The following CECR2 variants were observed in gnomAD, a reference collection of about 807,000 sequenced individuals.
CECR2 encodes the protein CECR2 histone acetyl-lysine reader, also known as chromatin remodeling regulator CECR2.
Under a neutral mutation model 154.5 loss-of-function variants are expected in CECR2, and 30 were observed. That is an observed-to-expected ratio of 0.19 (90% CI 0.15 to 0.26). The LOEUF is 0.26. Among genes scored for constraint, CECR2 ranks in the 10% least tolerant of loss-of-function variants. CECR2 has a pLI of 1.00. For missense variants in CECR2, 1,743 were observed against 1,829.3 expected (o/e 0.95, Z 0.86); for synonymous variants, 725 against 683.7 (o/e 1.06, Z -0.94).
At chr22:17,372,971 GATTC>G (rs1343053528) in intron 1 of CECR2, among the ~76,000 whole-genome samples, 3 of 152,148 alleles carry the variant, frequency 2.0e-5, no homozygotes, top group Non-Finnish European at 2.9e-5. Context: ...GGGCTGGCAG[GATTC>G]ATGCCCCACT....
At chr22:17,399,319 C>T (rs753640659) in intron 1 of CECR2, among the ~76,000 whole-genome samples, 30 of 151,892 alleles carry the variant, frequency 2.0e-4, no homozygotes, top group Admixed American at 8.5e-4. Context: ...TTAGCTCTCA[C>T]ATTTTATGGT....
intron 1 of CECR2, among the ~76,000 whole-genome samples, chr22:17,400,279 A>G (rs982825685): frequency 6.6e-6 from 1 of 152,236 alleles, no homozygotes; most frequent in Non-Finnish European, 1.5e-5. Context: ...CCAAAATCAG[A>G]TGAAGTGACT....
intron 1 of CECR2, among the ~76,000 whole-genome samples, chr22:17,362,303 GA>G (rs1447924894): frequency 6.6e-6 from 1 of 152,012 alleles, no homozygotes; most frequent in Admixed American, 6.6e-5. Context: ...CTCGGCCTCC[GA>G]AAGTGCTAGG....
Position 17,541,873 on chromosome 22 carries a change from G to A in CECR2, c.1919G>A (p.Arg640Gln), listed in dbSNP as rs371979990. The A allele has an allele frequency of 4.6e-5, 75 of 1,613,926 alleles. No homozygotes were observed. The Middle Eastern group carries it at 4.9e-4, about 11-fold the overall frequency. The change falls in exon 15 of 19, where the codon CGA (arginine) becomes CAA (glutamine). Residue 640 changes from arginine to glutamine, a missense_variant. Physicochemically the swap from Arg to Gln is conservative, Grantham distance 43. Coordinates refer to ENST00000262608, the MANE Select transcript of CECR2 (RefSeq NM_001290047.2). ...PAVPGTFGPL[R>Q]GSDPATLYGS... ...GTACCAGGAACATTTGGCCCTCTGC[G>A]AGGATCAGATCCTGCCACCTTGTAT...
At chr22:17,422,130 TTTTC>T (rs1177132674) in intron 1 of CECR2, among the ~76,000 whole-genome samples, 1 of 151,998 alleles carries the variant, frequency 6.6e-6, no homozygotes, top group Non-Finnish European at 1.5e-5. Flanking sequence ...TTGCAGGATG[TTTTC>T]TTTCTTTTCT....
chr22:17,414,434 T>G (rs1176928901), intron 1 of CECR2, among the ~76,000 whole-genome samples: 9 of 151,880 alleles, frequency 5.9e-5, no homozygotes, highest in African/African-American at 2.2e-4. Flanking sequence ...TTTTTGTAAT[T>G]TTCTCACTCA....
At chr22:17,400,428 C>T (rs77841232) in intron 1 of CECR2, among the ~76,000 whole-genome samples, 4,323 of 152,240 alleles carry the variant, frequency 0.028, 67 homozygotes, top group Middle Eastern at 0.048. Context: ...AGTGAAGATG[C>T]TTGCTGGGTG....
At chr22:17,445,543 T>TTTATTATCA (rs2054645929) in intron 1 of CECR2, among the ~76,000 whole-genome samples, 1 of 141,438 alleles carries the variant, frequency 7.1e-6, no homozygotes, top group African/African-American at 2.6e-5. Flanking sequence ...TGCTCTATAC[T>TTTATTATCA]TTATTATTAT....
intron 1 of CECR2, among the ~76,000 whole-genome samples, chr22:17,445,542 C>CTTT (rs2054645703): frequency 4.2e-5 from 5 of 118,560 alleles, no homozygotes; most frequent in Admixed American, 3.8e-4. Flanking sequence ...CTGCTCTATA[C>CTTT]TTTATTATTA....
Position 17,503,877 on chromosome 22 carries a change from T to A in CECR2, c.700+746T>A, listed in dbSNP as rs575291546. ...GCCTGGCCAACATTGTGAAACCCCA[T>A]CTCTACTAAAAATACAAAAATTACC... On this transcript the variant is annotated intron_variant, in intron 6 of 18. Coordinates refer to ENST00000262608, the MANE Select transcript of CECR2 (RefSeq NM_001290047.2). Among the ~76,000 whole-genome samples, 94 of 151,594 alleles carry A rather than the reference T, an allele frequency of 6.2e-4. 1 individual carries two copies. Among genetic ancestry groups the A allele is most frequent in the African/African-American group, 2.2e-3 (92 of 41,278 alleles).
Position 17,548,297 on chromosome 22 carries a change from G to T in CECR2, c.3010G>T (p.Glu1004Ter). 6.2e-7 allele frequency: 1 copy of T among 1,609,422 alleles called. No homozygotes were observed. Among genetic ancestry groups the T allele is most frequent in the Non-Finnish European group, 8.5e-7 (1 of 1,177,842 alleles). The change falls in exon 17 of 19, where the codon GAG (glutamate) becomes TAG (stop). Residue 1004 changes from glutamate to a stop codon, truncating the protein, a stop_gained. Coordinates refer to ENST00000262608, the MANE Select transcript of CECR2 (RefSeq NM_001290047.2). LOFTEE classifies it high-confidence loss of function. The part of the protein sequence containing the change: ...SPQERETVGP[E>*]LKSSSSESAD... ...ACAAGAAAGGGAAACAGTGGGCCCG[G>T]AGCTCAAAAGCAGCTCCTCCGAATC...
chr22:17,466,881 T>C (rs12170337), intron 1 of CECR2, among the ~76,000 whole-genome samples: 91,057 of 151,950 alleles, frequency 0.6, 27,480 homozygotes, highest in African/African-American at 0.63. Context: ...CGTGAGCCAC[T>C]GCACTTGGCC....
chr22:17,541,952 G>T lies in CECR2; in HGVS notation c.1998G>T (p.Gln666His), dbSNP rs2056530599. ...CCGGGGAGCCTGTGCAGCAGCGTCA[G>T]CCTTTCACCATGCAGGTAAGCAGCC... ...PHPGEPVQQR[Q>H]PFTMQPPVGI... The change falls in exon 15 of 19, where the codon CAG (glutamine) becomes CAT (histidine). Residue 666 changes from glutamine to histidine, a missense_variant. Transcript: ENST00000262608. 6.2e-7 allele frequency: 1 copy of T among 1,613,432 alleles called. No individual in the cohort carries two copies. Among genetic ancestry groups the T allele is most frequent in the Admixed American group, 1.7e-5 (1 of 59,878 alleles).
At chr22:17,522,355 G>C (rs986276950) in intron 8 of CECR2, among the ~76,000 whole-genome samples, 9 of 152,164 alleles carry the variant, frequency 5.9e-5, no homozygotes, top group African/African-American at 2.2e-4. Context: ...CTTGGAAGTG[G>C]GGTGGAAGTG....
intron 1 of CECR2, among the ~76,000 whole-genome samples, chr22:17,429,834 T>C (rs2054394168): frequency 1.3e-5 from 2 of 152,166 alleles, no homozygotes; most frequent in African/African-American, 2.4e-5. Context: ...GATGTTTTCA[T>C]TCATGGTCAG....
At chr22:17,360,987 A>G (rs571376861) in intron 1 of CECR2, among the ~76,000 whole-genome samples, 3 of 152,018 alleles carry the variant, frequency 2.0e-5, no homozygotes, top group African/African-American at 7.2e-5. Context: ...ACATGGTGAA[A>G]CCCCATCTCT....
chr22:17,486,663 A>G (rs1034551506), intron 2 of CECR2, among the ~76,000 whole-genome samples: 1 of 152,262 alleles, frequency 6.6e-6, no homozygotes, highest in African/African-American at 2.4e-5. Flanking sequence ...AATGCAAGTC[A>G]CAGAAGCATA....
chr22:17,506,814 T>G (rs1004853486), intron 7 of CECR2, among the ~76,000 whole-genome samples: 2 of 152,072 alleles, frequency 1.3e-5, no homozygotes, highest in Non-Finnish European at 2.9e-5. Flanking sequence ...CCACCATGCC[T>G]GGCTAATGTT....
At chr22:17,421,885 T>A (rs1314746687) in intron 1 of CECR2, among the ~76,000 whole-genome samples, 21 of 150,422 alleles carry the variant, frequency 1.4e-4, no homozygotes, top group East Asian at 5.9e-4. Flanking sequence ...TTTTTTTTTT[T>A]AAATTTCTTA....
Sources: allele counts gnomAD v4.1 joint callset (sites outside exome capture counted in the v4.1 genomes callset), GRCh38; gene constraint gnomAD v4.1.1; transcripts MANE v1.5; gene names NCBI Gene and HGNC (gene_info 2026-07-23, HGNC 2026-07-21).